MYCBP2: variants seen among roughly 807,000 people sequenced by gnomAD.
The protein encoded by MYCBP2 is MYC binding protein 2.
MYCBP2 carries 120 observed loss-of-function variants against 525.3 expected under a neutral mutation model. The ratio of observed to expected loss-of-function variants is 0.23; its 90% confidence interval spans 0.20 to 0.27. MYCBP2 has a LOEUF of 0.27. MYCBP2 is among the 10% of genes least tolerant of loss of function. The pLI is 1.00. For missense variants in MYCBP2, 4,149 were observed against 5,657.1 expected (o/e 0.73, Z 8.55); for synonymous variants, 1,894 against 1,955.8 (o/e 0.97, Z 0.83).
chr13:77,118,393 T>C (rs1325579386), intron 55 of MYCBP2: 2 of 764,126 alleles, frequency 2.6e-6, no homozygotes, highest in Non-Finnish European at 4.8e-6. Flanking sequence ...AAATGGGCTG[T>C]GTACTAGGGA....
chr13:77,205,509 A>G lies in MYCBP2; in HGVS notation c.3679T>C (p.Ser1227Pro), dbSNP rs1329953822. The change falls in exon 25 of 83, where the codon TCT (serine) becomes CCT (proline). Residue 1227 changes from serine (S) to proline (P), a missense_variant. Around this residue, in one of 21 missense-constraint regions of MYCBP2, gnomAD observed 620 missense variants for 795.5 expected, o/e 0.78. Coordinates refer to ENST00000544440, the MANE Select transcript of MYCBP2 (RefSeq NM_015057.5). Reference sequence around the variant, plus strand: ...TTTACCACACTATAATCTTCTTTAGAATAAACCTTCATTACTGCTTGAGTC... The same window carrying G: ...TTTACCACACTATAATCTTCTTTAGGATAAACCTTCATTACTGCTTGAGTC... ...EETQAVMKVY[S>P]KEDYSVVNRF... The G allele has an allele frequency of 1.2e-6, 2 of 1,613,644 alleles. No individual in the cohort carries two copies. Among genetic ancestry groups the G allele is most frequent in the Non-Finnish European group, 1.7e-6 (2 of 1,179,858 alleles).
intron 54 of MYCBP2, among the ~76,000 whole-genome samples, chr13:77,124,364 T>C (rs1436384058): frequency 6.6e-6 from 1 of 152,186 alleles, no homozygotes; most frequent in African/African-American, 2.4e-5. Flanking sequence ...TATGGCCAAA[T>C]TGCCTCTTGG....
chr13:77,313,027 T>G (rs1007714736), intron 1 of MYCBP2, among the ~76,000 whole-genome samples: 5 of 151,840 alleles, frequency 3.3e-5, no homozygotes, highest in Admixed American at 2.0e-4. Context: ...ATAAAACAAA[T>G]CTCAATAAAT....
At chr13:77,096,271 T>A (rs773173202) in intron 57 of MYCBP2, 41 bp downstream of exon 57, 2 of 1,590,358 alleles carry the variant, frequency 1.3e-6, no homozygotes, top group Non-Finnish European at 1.7e-6. Context: ...ATACAGTGTA[T>A]CCATATCATT....
chr13:77,221,176 T>G (rs987722507), intron 20 of MYCBP2, among the ~76,000 whole-genome samples: 4 of 152,108 alleles, frequency 2.6e-5, no homozygotes, highest in African/African-American at 9.7e-5. Flanking sequence ...CCCTGATATT[T>G]TGTTTCAACA....
At chr13:77,199,581 T>TG (rs1314299388) in intron 26 of MYCBP2, among the ~76,000 whole-genome samples, 2 of 151,976 alleles carry the variant, frequency 1.3e-5, no homozygotes, top group Admixed American at 6.6e-5. Context: ...GCTCCACCTC[T>TG]GGGGGCAGGG....
In MYCBP2 at chr13:77,058,242, C is replaced by G; in HGVS notation, c.13305G>C (p.Ala4435=). The change falls in exon 78 of 83, where the codon GCG becomes GCC. Residue 4435 remains alanine (A), a synonymous_variant. Coordinates refer to ENST00000544440, the MANE Select transcript of MYCBP2 (RefSeq NM_015057.5). This position sits in a 1 kb window ranked among gnomAD's most constrained non-coding sequence, Gnocchi z 4.1. ...CCTGAATGGCTGGTGCTGCCGAGAG[C>G]GCTTCGGTGAAACATATCATGCACA... The part of the protein sequence containing the change: ...DDMCMICFTE[A]LSAAPAIQLD... The G allele has an allele frequency of 6.2e-7, 1 of 1,613,960 alleles. No individual in the cohort carries two copies. Among genetic ancestry groups the G allele is most frequent in the Non-Finnish European group, 8.5e-7 (1 of 1,179,922 alleles).
Position 77,051,933 on chromosome 13 carries a change from C to CCAAA in MYCBP2, c.13648-16_13648-15insTTTG. 6.2e-7 allele frequency: 1 copy of CCAAA among 1,604,744 alleles called. No individual in the cohort carries two copies. The highest frequency in any genetic ancestry group is 1.7e-5 in the Admixed American group (1 of 59,948). On this transcript the variant is annotated splice_polypyrimidine_tract_variant and intron_variant, in intron 80 of 82. Coordinates refer to ENST00000544440, the MANE Select transcript of MYCBP2 (RefSeq NM_015057.5). ...CCAAAATATGCCTGTGGAGAAAACA[C>CCAAA]ATCTAGATTACAGCAGGAAAAAAGA...
At chr13:77,047,646 G>A (rs544297800) in intron 82 of MYCBP2, among the ~76,000 whole-genome samples, 13 of 152,262 alleles carry the variant, frequency 8.5e-5, no homozygotes, top group Admixed American at 2.0e-4. Context: ...CTAGCACAGG[G>A]CATTGTGCCT....
intron 21 of MYCBP2, among the ~76,000 whole-genome samples, chr13:77,216,811 AAG>A (rs1233102373): frequency 6.6e-6 from 1 of 152,226 alleles, no homozygotes; most frequent in Non-Finnish European, 1.5e-5. Flanking sequence ...TTGGAGGGGA[AAG>A]AAATGCCAAA....
intron 1 of MYCBP2, among the ~76,000 whole-genome samples, chr13:77,315,101 A>G (rs570638070): frequency 6.6e-6 from 1 of 152,352 alleles, no homozygotes; most frequent in East Asian, 1.9e-4. Flanking sequence ...CATGAATAAT[A>G]ACAGAAAATC....
intron 77 of MYCBP2, among the ~76,000 whole-genome samples, 197 bp downstream of exon 77, chr13:77,059,326 C>A (rs995405390): frequency 6.6e-6 from 1 of 152,138 alleles, no homozygotes; most frequent in Non-Finnish European, 1.5e-5. Flanking sequence ...GAGAAACATA[C>A]AAAAAGAGTG....
intron 62 of MYCBP2, among the ~76,000 whole-genome samples, chr13:77,087,160 G>T (rs1566459563): frequency 6.6e-6 from 1 of 152,082 alleles, no homozygotes; most frequent in Non-Finnish European, 1.5e-5. Context: ...ATTTCAGAGT[G>T]ACTGGGAATA....
At chr13:77,084,074 T>C (rs2043793758) in intron 62 of MYCBP2, among the ~76,000 whole-genome samples, 1 of 152,194 alleles carries the variant, frequency 6.6e-6, no homozygotes, top group Non-Finnish European at 1.5e-5. Flanking sequence ...ATTTCATCAG[T>C]CCACTTCAGA....
rs750482981 is a variant in MYCBP2, at chr13:77,169,682, T to C, written c.5827A>G (p.Ser1943Gly). 3 of 1,613,830 alleles carry C rather than the reference T, an allele frequency of 1.9e-6. No individual in the cohort carries two copies. Among genetic ancestry groups the C allele is most frequent in the Admixed American group, 3.3e-5 (2 of 59,980 alleles). ...DDIPELLSSS[S>G]LFSMLLPLII... is the part of the protein sequence containing the mutation. ...AGGGGGAGCAGCATGGAAAACAGACTGGAAGAACTCAGCAGTTCTGGAATG... is the reference window on the plus strand; with the variant it reads ...AGGGGGAGCAGCATGGAAAACAGACCGGAAGAACTCAGCAGTTCTGGAATG... Residue 1943 changes from serine to glycine, a missense_variant, in exon 39 of 83, where the codon AGT becomes GGT. Coordinates refer to ENST00000544440, the MANE Select transcript of MYCBP2 (RefSeq NM_015057.5).
chr13:77,271,696 G>A (rs142095220), intron 5 of MYCBP2, among the ~76,000 whole-genome samples: 5 of 152,280 alleles, frequency 3.3e-5, no homozygotes, highest in African/African-American at 1.2e-4. Flanking sequence ...CGTAAGACAT[G>A]ACTTGCTCCT....
chr13:77,194,695 C>T (rs1036650418), intron 26 of MYCBP2, among the ~76,000 whole-genome samples: 3 of 151,978 alleles, frequency 2.0e-5, no homozygotes, highest in Non-Finnish European at 4.4e-5. Context: ...TGGGTGGATA[C>T]TAACAGTTCC....
chr13:77,111,073 C>T (rs556550892), intron 55 of MYCBP2, among the ~76,000 whole-genome samples: 2 of 152,186 alleles, frequency 1.3e-5, no homozygotes, highest in Non-Finnish European at 2.9e-5. Context: ...ACTACAGGTA[C>T]AGAAGTTTGA....
At chr13:77,265,055 A>G (rs1269833453) in intron 8 of MYCBP2, among the ~76,000 whole-genome samples, 3 of 152,140 alleles carry the variant, frequency 2.0e-5, no homozygotes, top group African/African-American at 7.2e-5. Context: ...ATTATTCTTT[A>G]TCTTTGCCCA....
Sources: allele counts gnomAD v4.1 joint callset (sites outside exome capture counted in the v4.1 genomes callset), GRCh38; gene constraint gnomAD v4.1.1; regional missense constraint gnomAD v4.1.1; non-coding constraint Gnocchi (gnomAD v3.1); transcripts MANE v1.5; gene names NCBI Gene and HGNC (gene_info 2026-07-23, HGNC 2026-07-21).